MAGI3: variants seen among roughly 807,000 people sequenced by gnomAD.
The protein encoded by MAGI3 is membrane-associated guanylate kinase, WW and PDZ domain-containing protein 3.
A neutral mutation model predicts 121.8 loss-of-function variants in MAGI3; 43 were observed. That is an observed-to-expected ratio of 0.35 (90% CI 0.28 to 0.46). The LOEUF is 0.46. Among genes scored for constraint, MAGI3 ranks in the 20% least tolerant of loss-of-function variants. MAGI3 has a pLI of 1.00. For synonymous variants in MAGI3, 553 were observed against 639.3 expected, an observed-to-expected ratio of 0.86 and a Z score of 2.04; for missense variants, 1,547 against 1,797.3, an observed-to-expected ratio of 0.86 and a Z score of 2.52.
chr1:113,408,874 A>G (rs1389862547), intron 1 of MAGI3, among the ~76,000 whole-genome samples: 1 of 152,090 alleles, frequency 6.6e-6, no homozygotes, highest in Admixed American at 6.6e-5. Context: ...GGATTAATCT[A>G]TTACTTTTTA....
At chr1:113,414,472 C>T (rs1387421088) in intron 1 of MAGI3, among the ~76,000 whole-genome samples, 1 of 152,004 alleles carries the variant, frequency 6.6e-6, no homozygotes, top group African/African-American at 2.4e-5. Context: ...CTCTTTGTAC[C>T]TCTGTTAGAA....
chr1:113,519,142 C>T (rs1658063560), intron 1 of MAGI3, among the ~76,000 whole-genome samples: 1 of 151,896 alleles, frequency 6.6e-6, no homozygotes, highest in Non-Finnish European at 1.5e-5. Context: ...CTCCAGAAAC[C>T]TGTTCTTAGA....
intron 1 of MAGI3, among the ~76,000 whole-genome samples, chr1:113,548,760 A>G (rs540505100): frequency 6.6e-6 from 1 of 152,338 alleles, no homozygotes; most frequent in African/African-American, 2.4e-5. Context: ...TCTGGCTTCT[A>G]AGTGGTGGGC....
intron 1 of MAGI3, among the ~76,000 whole-genome samples, chr1:113,450,906 A>G (rs1654453802): frequency 1.3e-5 from 2 of 151,952 alleles, no homozygotes; most frequent in Admixed American, 1.3e-4. Context: ...TAAACAGGAA[A>G]CCCTTCTTGT....
intron 7 of MAGI3, among the ~76,000 whole-genome samples, 197 bp downstream of exon 7, chr1:113,614,855 A>T (rs977186408): frequency 5.3e-5 from 8 of 152,130 alleles, no homozygotes; most frequent in African/African-American, 1.7e-4. Flanking sequence ...TGAATTTCTA[A>T]ATATAGAGAA....
At chr1:113,402,577 C>A in intron 1 of MAGI3, among the ~76,000 whole-genome samples, 1 of 152,004 alleles carries the variant, frequency 6.6e-6, no homozygotes, top group East Asian at 1.9e-4. Context: ...CTCTGTGGGG[C>A]TGATGCTACA....
At chr1:113,608,916 TGGACA>T (rs1184619592) in intron 6 of MAGI3, among the ~76,000 whole-genome samples, 1 of 152,174 alleles carries the variant, frequency 6.6e-6, no homozygotes, top group Non-Finnish European at 1.5e-5. Flanking sequence ...TTCTCAAAAG[TGGACA>T]GTACATTTTA....
chr1:113,644,474 G>T (rs548261648), intron 11 of MAGI3, among the ~76,000 whole-genome samples: 1 of 152,080 alleles, frequency 6.6e-6, no homozygotes, highest in African/African-American at 2.4e-5. Context: ...GTAGAGACAG[G>T]GTTTCACCAT....
At chr1:113,441,602 AC>A (rs1653917147) in intron 1 of MAGI3, among the ~76,000 whole-genome samples, 1 of 152,160 alleles carries the variant, frequency 6.6e-6, no homozygotes, top group Admixed American at 6.5e-5. Flanking sequence ...CAATTTGAAA[AC>A]AAACATTCAG....
intron 2 of MAGI3, among the ~76,000 whole-genome samples, chr1:113,550,347 C>T (rs867538784): frequency 4.2e-5 from 6 of 143,736 alleles, no homozygotes; most frequent in South Asian, 2.2e-4. Context: ...ACCCGGGAGG[C>T]GGAGCTTGCA....
At chr1:113,669,243 G>A (rs1031528599) in intron 16 of MAGI3, among the ~76,000 whole-genome samples, 9 of 152,322 alleles carry the variant, frequency 5.9e-5, no homozygotes, top group Admixed American at 3.3e-4. Context: ...TACCCAGGAA[G>A]CAAATGTGGA....
At position 113,593,105 on chromosome 1, in the gene MAGI3, G is replaced by A. The variant is rs1648790633; in HGVS notation, c.939-1376G>A. 3.9e-5 allele frequency among the ~76,000 whole-genome samples: 6 copies of A among 152,294 alleles called. No homozygotes were observed. The South Asian group carries it at 1.2e-3, about 32-fold the overall frequency. ...GCTGCAGAGCTCTGCAAGTAGCTCA[G>A]CGGTTACAAAAGATATAGAAGATGT... On this transcript the variant is annotated intron_variant, in intron 5 of 20. Coordinates refer to ENST00000307546, the MANE Select transcript of MAGI3 (RefSeq NM_001142782.2).
intron 1 of MAGI3, among the ~76,000 whole-genome samples, chr1:113,413,321 A>C (rs1488441900): frequency 6.6e-6 from 1 of 152,146 alleles, no homozygotes; most frequent in African/African-American, 2.4e-5. Context: ...TGATGCCTCC[A>C]GCTTTGTTCT....
At chr1:113,563,429 G>A (rs1028557935) in intron 2 of MAGI3, among the ~76,000 whole-genome samples, 17 of 152,198 alleles carry the variant, frequency 1.1e-4, no homozygotes, top group African/African-American at 3.9e-4. Context: ...AAAGAAGAGA[G>A]TTCTTTTCCT....
At chr1:113,454,708 A>G (rs547564556) in intron 1 of MAGI3, among the ~76,000 whole-genome samples, 30 of 151,732 alleles carry the variant, frequency 2.0e-4, no homozygotes, top group Non-Finnish European at 3.4e-4. Flanking sequence ...ATGTGTTCTC[A>G]TTGTTCAACT....
intron 5 of MAGI3, among the ~76,000 whole-genome samples, chr1:113,593,951 T>C (rs1283419011): frequency 6.6e-6 from 1 of 152,206 alleles, no homozygotes; most frequent in Non-Finnish European, 1.5e-5. Context: ...TTAAAACTCT[T>C]TGTTTTATTT....
At chr1:113,477,029 G>C in intron 1 of MAGI3, among the ~76,000 whole-genome samples, 1 of 151,568 alleles carries the variant, frequency 6.6e-6, no homozygotes, top group East Asian at 1.9e-4. Flanking sequence ...TGTTATATCA[G>C]AGACTAGGGT....
At position 113,447,556 on chromosome 1, in the gene MAGI3, TAAA is replaced by T. The variant is rs987702014; in HGVS notation, c.316+56214_316+56216del. Among the ~76,000 whole-genome samples, 8 of 151,292 alleles carry T rather than the reference TAAA, an allele frequency of 5.3e-5. No individual in the cohort carries two copies. The South Asian group carries it at 6.3e-4, about 12-fold the overall frequency. On this transcript the variant is annotated intron_variant, in intron 1 of 20. Transcript: ENST00000307546. ...AGCAATCACAATAAAACTGGGAAATTAAAAAAAAATTGTGCGGCTGGGAGCGGT... is the reference window on the plus strand; with the variant it reads ...AGCAATCACAATAAAACTGGGAAATTAAAAAATTGTGCGGCTGGGAGCGGT...
At chr1:113,555,990 A>G (rs948767943) in intron 2 of MAGI3, among the ~76,000 whole-genome samples, 1 of 152,240 alleles carries the variant, frequency 6.6e-6, no homozygotes, top group Non-Finnish European at 1.5e-5. Flanking sequence ...CACAAAGGAG[A>G]TTACAAAATA....
Sources: allele counts gnomAD v4.1 joint callset (sites outside exome capture counted in the v4.1 genomes callset), GRCh38; gene constraint gnomAD v4.1.1; transcripts MANE v1.5; gene names NCBI Gene and HGNC (gene_info 2026-07-23, HGNC 2026-07-21).